TMEM132D: variants seen among roughly 807,000 people sequenced by gnomAD.
The protein encoded by TMEM132D is transmembrane protein 132D.
In TMEM132D, 21 loss-of-function variants were observed where a neutral mutation model predicts 62.3. That is an observed-to-expected ratio of 0.34 (90% CI 0.24 to 0.49). TMEM132D has a LOEUF of 0.49. Among genes scored for constraint, TMEM132D ranks in the 20% least tolerant of loss-of-function variants. The pLI, the probability that TMEM132D is intolerant of heterozygous loss-of-function variation, is 0.99. For synonymous variants in TMEM132D, 621 were observed against 575.6 expected, an observed-to-expected ratio of 1.08 and a Z score of -1.13; for missense variants, 1,346 against 1,402.8, an observed-to-expected ratio of 0.96 and a Z score of 0.65.
intron 4 of TMEM132D, among the ~76,000 whole-genome samples, chr12:129,295,702 C>G (rs565563331): frequency 6.6e-6 from 1 of 152,090 alleles, no homozygotes; most frequent in East Asian, 1.9e-4. Context: ...TTCCAGGACA[C>G]CATGAATAGC....
intron 1 of TMEM132D, among the ~76,000 whole-genome samples, chr12:129,897,006 G>C (rs914575803): frequency 6.6e-6 from 1 of 152,190 alleles, no homozygotes; most frequent in African/African-American, 2.4e-5. Context: ...AATTTATGGA[G>C]GGGGTGCACC....
At chr12:129,699,569 C>T (rs1881322198) in intron 2 of TMEM132D, among the ~76,000 whole-genome samples, 1 of 149,068 alleles carries the variant, frequency 6.7e-6, no homozygotes, top group Admixed American at 6.6e-5. Context: ...CCATCAGCAG[C>T]CCCCCGGCTG....
chr12:129,197,533 A>C (rs1322643165), intron 5 of TMEM132D, among the ~76,000 whole-genome samples: 1 of 152,258 alleles, frequency 6.6e-6, no homozygotes, highest in Non-Finnish European at 1.5e-5. Context: ...TTCCAGGAAC[A>C]CAAAATGGGA....
At chr12:129,463,610 G>A (rs1399346850) in intron 3 of TMEM132D, among the ~76,000 whole-genome samples, 5 of 151,886 alleles carry the variant, frequency 3.3e-5, no homozygotes, top group African/African-American at 1.2e-4. Context: ...ATCTCCTAAT[G>A]CCATCCCTCC....
rs191643643 is a variant in TMEM132D at position 129,508,174 on chromosome 12, C to T, written c.1115+22885G>A. ...GAGTATTAGAATCTAGACTGTAAAGCGTTATCAATATTGTGCTATAGAGTT... is the reference window on the plus strand; with the variant it reads ...GAGTATTAGAATCTAGACTGTAAAGTGTTATCAATATTGTGCTATAGAGTT... On this transcript the variant is annotated intron_variant, in intron 3 of 8. Coordinates refer to ENST00000422113, the MANE Select transcript of TMEM132D (RefSeq NM_133448.3). 4.2e-3 allele frequency among the ~76,000 whole-genome samples: 642 copies of T among 152,172 alleles called. 2 individuals are homozygous for T. The highest frequency in any genetic ancestry group is 6.3e-3 in the Non-Finnish European group (431 of 68,000).
chr12:129,074,375 A>C lies in TMEM132D; in HGVS notation c.2800T>G (p.Phe934Val). The C allele has an allele frequency of 6.2e-7, 1 of 1,614,094 alleles. No homozygotes were observed. Among genetic ancestry groups the C allele is most frequent in the Non-Finnish European group, 8.5e-7 (1 of 1,180,034 alleles). Residue 934 changes from phenylalanine to valine, a missense_variant, in exon 9 of 9, where the codon TTC becomes GTC. Physicochemically the swap from Phe to Val is conservative, Grantham distance 50. Coordinates refer to ENST00000422113, the MANE Select transcript of TMEM132D (RefSeq NM_133448.3). ...LGVFCLAILV[F>V]LINCVTFALK... is the part of the protein sequence containing the mutation. The stretch of plus-strand genomic sequence containing the variant: ...GCAAAGGTCACACAGTTTATCAAGA[A>C]GACCAAAATGGCCAAACAGAAGACT...
intron 3 of TMEM132D, among the ~76,000 whole-genome samples, chr12:129,384,120 C>G (rs548878944): frequency 6.6e-6 from 1 of 152,270 alleles, no homozygotes; most frequent in South Asian, 2.1e-4. Context: ...TCATCACGAG[C>G]AAAGAGAAGT....
chr12:129,207,604 AGGAGTGGCC>A (rs1878893298), intron 5 of TMEM132D, among the ~76,000 whole-genome samples: 1 of 152,110 alleles, frequency 6.6e-6, no homozygotes, highest in Non-Finnish European at 1.5e-5. Flanking sequence ...GTCCTGTTAC[AGGAGTGGCC>A]GAGTCTCCAG....
chr12:129,760,323 C>CTTTTTTTTT (rs71082753), intron 1 of TMEM132D, among the ~76,000 whole-genome samples: 2 of 115,502 alleles, frequency 1.7e-5, no homozygotes, highest in African/African-American at 7.2e-5. Context: ...AAGCCACTTT[C>CTTTTTTTTT]TTTTTTTTTT....
chr12:129,314,241 A>T (rs1868407163), intron 4 of TMEM132D, among the ~76,000 whole-genome samples: 1 of 152,160 alleles, frequency 6.6e-6, no homozygotes, highest in South Asian at 2.1e-4. Flanking sequence ...GAACTTCTGT[A>T]GTTTCAGGTC....
chr12:129,143,939 A>C (rs75177052), intron 5 of TMEM132D, among the ~76,000 whole-genome samples: 10,627 of 152,102 alleles, frequency 0.07, 1,114 homozygotes, highest in African/African-American at 0.22. Flanking sequence ...CTCACTCTTG[A>C]ACTCCCAGAG....
In TMEM132D at chr12:129,389,031, C is replaced by CT. The variant is rs56927947; in HGVS notation, c.1116-51215_1116-51214insA. On this transcript the variant is annotated intron_variant, in intron 3 of 8. Transcript: ENST00000422113. The stretch of plus-strand genomic sequence containing the variant: ...TACTAACACCAACACCAATCCAGCA[C>CT]GATAATAATATTAACACTAACATGA... 3.2e-3 allele frequency among the ~76,000 whole-genome samples: 339 copies of CT among 105,362 alleles called. 4 individuals are homozygous for CT. The highest frequency in any genetic ancestry group is 0.015 in the East Asian group (53 of 3,478). 69.1% of individuals were successfully genotyped at this position (105,362 alleles called of 152,430 possible). A position where few individuals can be genotyped will look rare whatever the true frequency, so the allele number is the denominator to read the frequency against.
chr12:129,474,405 G>A (rs1038175665), intron 3 of TMEM132D, among the ~76,000 whole-genome samples: 1 of 152,120 alleles, frequency 6.6e-6, no homozygotes, highest in East Asian at 1.9e-4. Flanking sequence ...CTCAGCTGAG[G>A]GTTGAAGAAA....
At chr12:129,710,960 G>T (rs1841203183) in intron 1 of TMEM132D, among the ~76,000 whole-genome samples, 1 of 151,622 alleles carries the variant, frequency 6.6e-6, no homozygotes, top group South Asian at 2.1e-4. Context: ...TTTAGCCTCG[G>T]TGTGCACGCT....
At chr12:129,148,674 C>G (rs567439888) in intron 5 of TMEM132D, among the ~76,000 whole-genome samples, 121 of 152,312 alleles carry the variant, frequency 7.9e-4, no homozygotes, top group African/African-American at 2.5e-3. Flanking sequence ...AAAAAGCCAG[C>G]CTGTGTGTGG....
intron 1 of TMEM132D, among the ~76,000 whole-genome samples, chr12:129,719,893 T>C (rs1360533108): frequency 1.3e-5 from 2 of 152,236 alleles, no homozygotes; most frequent in African/African-American, 4.8e-5. Flanking sequence ...GTTTGTTTAC[T>C]GACTTCTTCA....
At chr12:129,405,788 C>A (rs1362502959) in intron 3 of TMEM132D, among the ~76,000 whole-genome samples, 3 of 152,100 alleles carry the variant, frequency 2.0e-5, no homozygotes, top group African/African-American at 7.2e-5. Context: ...TCCATTGCAA[C>A]CCCTCCCATC....
chr12:129,379,989 G>A lies in TMEM132D; in HGVS notation c.1116-42172C>T, dbSNP rs781717694. Among the ~76,000 whole-genome samples, 24 of 152,260 alleles carry A rather than the reference G, an allele frequency of 1.6e-4. No individual in the cohort carries two copies. The East Asian group carries it at 1.9e-3, about 12-fold the overall frequency. ...TTTACTTTCATATATTTATAAGAGT[G>A]ACATACGTTTTAAGAAGTTGATTCT... On this transcript the variant is annotated intron_variant, in intron 3 of 8. Coordinates refer to ENST00000422113, the MANE Select transcript of TMEM132D (RefSeq NM_133448.3).
chr12:129,290,404 A>G (rs1176670191), intron 4 of TMEM132D, among the ~76,000 whole-genome samples: 1 of 152,194 alleles, frequency 6.6e-6, no homozygotes, highest in Non-Finnish European at 1.5e-5. Context: ...AGCATAACCT[A>G]CACTATTCTA....
Sources: gnomAD v4.1 joint callset for allele counts (sites outside exome capture counted in the v4.1 genomes callset) on GRCh38, gnomAD v4.1.1 for gene constraint, MANE v1.5 for transcripts, NCBI Gene and HGNC (gene_info 2026-07-23, HGNC 2026-07-21) for gene names.